The following ATP1A3 variants were observed in gnomAD, a reference collection of about 807,000 sequenced individuals.
ATP1A3 encodes sodium/potassium-transporting ATPase subunit alpha-3.
A neutral mutation model predicts 108.8 loss-of-function variants in ATP1A3; 12 were observed. The ratio of observed to expected loss-of-function variants is 0.11; its 90% CI spans 0.07 to 0.18. The LOEUF is 0.18. ATP1A3 is among the 10% of genes least tolerant of loss of function. The probability of loss-of-function intolerance (pLI) is 1.00; values close to 1 mark genes in which losing one functional copy is unlikely to be tolerated. For missense variants in ATP1A3, 498 were observed against 1,387.7 expected (o/e 0.36, Z 10.19); for synonymous variants, 539 against 564.5 (o/e 0.95, Z 0.64).
Position 41,967,452 on chromosome 19 carries a change from AGGT to A in ATP1A3, c.2922-115_2922-113del. On this transcript the variant is annotated intron_variant, in intron 21 of 22. Transcript: ENST00000648268. This position sits in a 1 kb window ranked among gnomAD's most constrained non-coding sequence, Gnocchi z 4.2. ...GTCTCCCAGGATCCTTCGTGCTCAC[AGGT>A]GGAGGGTGCCCTGGGCGGGGCTGGG... 3 of 1,330,144 alleles carry A rather than the reference AGGT, an allele frequency of 2.3e-6. No individual in the cohort carries two copies. The highest frequency in any genetic ancestry group is 3.1e-6 in the Non-Finnish European group (3 of 965,110). 82.4% of individuals were successfully genotyped at this position (1,330,144 alleles called of 1,614,324 possible).
chr19:41,988,298 A>G lies in ATP1A3; in HGVS notation c.153+20T>C, dbSNP rs781943828. ...CCTCCTCCCTAGTTCCCAGGGTCCC[A>G]GCCCACAGCCTGGCCACACCTGCAC... On this transcript the variant is annotated intron_variant, in intron 3 of 22. Coordinates refer to ENST00000648268, the MANE Select transcript of ATP1A3 (RefSeq NM_152296.5). The surrounding 1 kb of genome is among the most constrained non-coding windows in gnomAD (Gnocchi z 5.3). 43 of 1,613,882 alleles carry G rather than the reference A, an allele frequency of 2.7e-5. No homozygotes were observed. Among genetic ancestry groups the G allele is most frequent in the Non-Finnish European group, 6.8e-6 (8 of 1,179,916 alleles).
At chr19:41,991,696 G>A (rs2075339987) in intron 1 of ATP1A3, among the ~76,000 whole-genome samples, 1 of 152,134 alleles carries the variant, frequency 6.6e-6, no homozygotes, top group Non-Finnish European at 1.5e-5. Context: ...AATGCTAAGG[G>A]CTGGGCCGGA....
Position 41,986,156 on chromosome 19 carries a change from C to G in ATP1A3, c.431G>C (p.Ser144Thr). The change falls in exon 5 of 23, where the codon AGC (serine) becomes ACC (threonine). Residue 144 changes from serine (S) to threonine (T), a missense_variant. This residue lies in a region of ATP1A3 where 127 missense variants were observed against 464.0 expected (regional missense o/e 0.27). Coordinates refer to ENST00000648268, the MANE Select transcript of ATP1A3 (RefSeq NM_152296.5). ...CTTGAAGGACTCCATGATCTTGGAGCTCTTGGCCTCCTGGTAGTAGGAGAA... is the reference window on the plus strand; with the variant it reads ...CTTGAAGGACTCCATGATCTTGGAGGTCTTGGCCTCCTGGTAGTAGGAGAA... ...GCFSYYQEAKSSKIMESFKNM... is the reference protein window; with the variant it reads ...GCFSYYQEAKTSKIMESFKNM... The G allele has an allele frequency of 6.2e-7, 1 of 1,614,142 alleles. No homozygotes were observed. The highest frequency in any genetic ancestry group is 8.5e-7 in the Non-Finnish European group (1 of 1,180,016).
chr19:41,993,432 G>C, intron 1 of ATP1A3: 1 of 1,534,692 alleles, frequency 6.5e-7, no homozygotes, highest in East Asian at 2.4e-5. Flanking sequence ...AGCCTCCCAT[G>C]CCTGCTCCCC....
chr19:41,992,729 CTT>C (rs1368767440), intron 1 of ATP1A3, among the ~76,000 whole-genome samples: 2 of 151,860 alleles, frequency 1.3e-5, no homozygotes, highest in Non-Finnish European at 2.9e-5. Flanking sequence ...GTCCATGTCT[CTT>C]TCTCTGTCTC....
intron 14 of ATP1A3, 129 bp from the exon 15 acceptor site, chr19:41,976,695 G>T (rs1295008051): frequency 1.3e-5 from 17 of 1,342,540 alleles, no homozygotes; most frequent in Non-Finnish European, 1.6e-5. Context: ...GGGGCTGGGG[G>T]AAGAGGCCTC....
rs370436157 is a variant in ATP1A3, at chr19:41,978,229, C to T, written c.1728G>A (p.Val576=). ...VNFTTDNLCF[V]GLMSMIDPPR... Reference sequence around the variant, plus strand: ...GTGGGTCGATCATGGACATGAGGCCCACAAAGCAGAGGTTGTCCGTGGTGA... The same window carrying T: ...GTGGGTCGATCATGGACATGAGGCCTACAAAGCAGAGGTTGTCCGTGGTGA... Residue 576 remains valine, a synonymous_variant, in exon 13 of 23, where the codon GTG becomes GTA. Transcript: ENST00000648268. The surrounding 1 kb of genome is among the most constrained non-coding windows in gnomAD (Gnocchi z 8.3). The T allele has an allele frequency of 6.8e-6, 11 of 1,614,052 alleles. No homozygotes were observed. Among genetic ancestry groups the T allele is most frequent in the African/African-American group, 4.0e-5 (3 of 74,944 alleles).
At chr19:41,974,984 G>C (rs1437131949) in intron 16 of ATP1A3, among the ~76,000 whole-genome samples, 1 of 151,914 alleles carries the variant, frequency 6.6e-6, no homozygotes, top group Non-Finnish European at 1.5e-5. Flanking sequence ...AAGCTCCCTT[G>C]ACCCCCAGCC....
At chr19:41,971,316 T>C (rs1555859860) in intron 16 of ATP1A3, among the ~76,000 whole-genome samples, 1 of 152,084 alleles carries the variant, frequency 6.6e-6, no homozygotes, top group African/African-American at 2.4e-5. Flanking sequence ...GAAACATTCT[T>C]GAAATAACCA....
At position 41,986,012 on chromosome 19, in the gene ATP1A3, G is replaced by A; in HGVS notation, c.472-14C>T. 6.2e-7 allele frequency: 1 copy of A among 1,614,132 alleles called. No individual in the cohort carries two copies. Among genetic ancestry groups the A allele is most frequent in the East Asian group, 2.2e-5 (1 of 44,876 alleles). On this transcript the variant is annotated splice_polypyrimidine_tract_variant and intron_variant, in intron 5 of 22. Coordinates refer to ENST00000648268, the MANE Select transcript of ATP1A3 (RefSeq NM_152296.5). ...CACCAGGGCTTGCTGAGGTGGGATG[G>A]AGTAATGTCACCTCCCAGACTCCCT... is the stretch of plus-strand genomic sequence containing the variant.
In ATP1A3 at chr19:41,970,472, C is replaced by T. The variant is rs145374789; in HGVS notation, c.2334G>A (p.Thr778=). The T allele has an allele frequency of 4.3e-4, 699 of 1,614,038 alleles. 1 individual carries two copies. The African/African-American group carries it at 7.6e-3, about 18-fold the overall frequency. ...YTLTSNIPEI[T]PFLLFIMANI... ...TGGCCATGATGAACAGCAGGAAGGG[C>T]GTGATCTCCGGGATATTGCTGGTCA... Residue 778 remains threonine (T), a synonymous_variant, in exon 17 of 23, where the codon ACG becomes ACA. Transcript: ENST00000648268.
At position 41,981,380 on chromosome 19, in the gene ATP1A3, C is replaced by G; in HGVS notation, c.1437+122G>C. ...CTCAAGCTCTCCCTGTTCCTCTCCC[C>G]ACCAGGCGGGTATTATCATTCCCAT... On this transcript the variant is annotated intron_variant, in intron 11 of 22. Coordinates refer to ENST00000648268, the MANE Select transcript of ATP1A3 (RefSeq NM_152296.5). The surrounding 1 kb of genome is among the most constrained non-coding windows in gnomAD (Gnocchi z 5.0). 4 of 1,484,844 alleles carry G rather than the reference C, an allele frequency of 2.7e-6. No individual in the cohort carries two copies. The highest frequency in any genetic ancestry group is 3.7e-6 in the Non-Finnish European group (4 of 1,071,046). The allele number at this position is 1,484,844 out of a possible 1,614,324, so 92.0% of individuals were successfully genotyped here. A position where few individuals can be genotyped will look rare whatever the true frequency, so the allele number is the denominator to read the frequency against.
chr19:41,984,160 G>C (rs2075263586), intron 8 of ATP1A3: 1 of 152,158 alleles, frequency 6.6e-6, no homozygotes, highest in African/African-American at 2.4e-5. Context: ...TCCTGCCTCA[G>C]CCTCCCAAAC....
intron 16 of ATP1A3, among the ~76,000 whole-genome samples, chr19:41,973,618 G>A (rs1479301237): frequency 5.9e-5 from 9 of 152,130 alleles, no homozygotes; most frequent in Non-Finnish European, 1.2e-4. Context: ...CACCCCATCT[G>A]GGCAGGACCC....
Position 41,985,944 on chromosome 19 carries a change from C to T in ATP1A3, c.526G>A (p.Val176Met). Residue 176 changes from valine to methionine, a missense_variant, in exon 6 of 23, where the codon GTG becomes ATG. Transcript: ENST00000648268. The surrounding 1 kb of genome is among the most constrained non-coding windows in gnomAD (Gnocchi z 8.2). ...TTGATCTCCACCAGGTCCCCGACCA[C>T]CACCTCCTCAGCGTTCACCTGCATC... ...EKMQVNAEEV[V>M]VGDLVEIKGG... 6.2e-7 allele frequency: 1 copy of T among 1,614,172 alleles called. No individual in the cohort carries two copies. The highest frequency in any genetic ancestry group is 8.5e-7 in the Non-Finnish European group (1 of 1,180,034).
chr19:41,968,897 C>A lies in ATP1A3; in HGVS notation c.2707G>T (p.Val903Leu), dbSNP rs782727690. ...GCCGTGTGGCAGGTGAACTCCACCA[C>A]CTTCCTCTGCTCGTATGTCTGCAGG... ...GQQWTYEQRK[V>L]VEFTCHTAFF... Residue 903 changes from valine (V) to leucine (L), a missense_variant, in exon 20 of 23, where the codon GTG (valine) becomes TTG (leucine). Coordinates refer to ENST00000648268, the MANE Select transcript of ATP1A3 (RefSeq NM_152296.5). The surrounding 1 kb of genome is among the most constrained non-coding windows in gnomAD (Gnocchi z 5.0). 6.2e-7 allele frequency: 1 copy of A among 1,613,914 alleles called. No homozygotes were observed. Among genetic ancestry groups the A allele is most frequent in the African/African-American group, 1.3e-5 (1 of 74,926 alleles).
chr19:41,979,339 G>A (rs572010207), intron 11 of ATP1A3, among the ~76,000 whole-genome samples: 2 of 150,756 alleles, frequency 1.3e-5, no homozygotes, highest in Non-Finnish European at 3.0e-5. Context: ...TTTTAAGACA[G>A]GGTCTCACTC....
rs781853644 is a variant in ATP1A3 at position 41,978,107 on chromosome 19, G to A, written c.1807-35C>T. On this transcript the variant is annotated intron_variant, in intron 13 of 22. Transcript: ENST00000648268. This position sits in a 1 kb window ranked among gnomAD's most constrained non-coding sequence, Gnocchi z 8.3. ...TTGTTTTTTAGGGATGGCCTCTCCC[G>A]CCCCACGCCTGGCTTTGCCTCCCCC... The A allele has an allele frequency of 4.4e-5, 71 of 1,614,032 alleles. No homozygotes were observed. The East Asian group carries it at 6.2e-4, about 14-fold the overall frequency.
Position 41,981,728 on chromosome 19 carries a change from C to A in ATP1A3, c.1296G>T (p.Val432=), listed in dbSNP as rs781928217. 76 of 1,614,068 alleles carry A rather than the reference C, an allele frequency of 4.7e-5. No individual in the cohort carries two copies. Among genetic ancestry groups the A allele is most frequent in the Non-Finnish European group, 6.4e-5 (75 of 1,180,038 alleles). The change falls in exon 10 of 23, where the codon GTG becomes GTT. Residue 432 remains valine (V), a synonymous_variant. Transcript: ENST00000648268. The surrounding 1 kb of genome is among the most constrained non-coding windows in gnomAD (Gnocchi z 5.0). The stretch of plus-strand genomic sequence containing the variant: ...GGCCAGTAGCTGAACCCACCTTGAG[C>A]ACAGGGATGTTGTCCTGACCACCCT... ...VFKGGQDNIP[V]LKRDVAGDAS... is the part of the protein sequence containing the mutation.
Sources: allele counts gnomAD v4.1 joint callset (sites outside exome capture counted in the v4.1 genomes callset), GRCh38; gene constraint gnomAD v4.1.1; regional missense constraint gnomAD v4.1.1; non-coding constraint Gnocchi (gnomAD v3.1); transcripts MANE v1.5; gene names NCBI Gene and HGNC (gene_info 2026-07-23, HGNC 2026-07-21).